MPP4: variants seen among roughly 807,000 people sequenced by gnomAD.
MPP4 encodes the protein MAGUK p55 scaffold protein 4, also known as MAGUK p55 subfamily member 4.
Under a neutral mutation model 98.3 loss-of-function variants are expected in MPP4, and 91 were observed. That is an observed-to-expected ratio of 0.93 (90% CI 0.78 to 1.10). The LOEUF is 1.10. Among genes scored for constraint, MPP4 ranks in the 50% least tolerant of loss-of-function variants. MPP4 has a pLI of 0.00. For missense variants in MPP4, 744 were observed against 792.9 expected (o/e 0.94, Z 0.74); for synonymous variants, 261 against 271.8 (o/e 0.96, Z 0.39).
intron 16 of MPP4, among the ~76,000 whole-genome samples, chr2:201,657,601 G>GTTTTTTTTT (rs1393900511): frequency 1.9e-5 from 2 of 104,992 alleles, no homozygotes; most frequent in Non-Finnish European, 1.9e-5. Context: ...TTTTTTTTTT[G>GTTTTTTTTT]TTTTTTTGTT....
chr2:201,667,889 C>G (rs1311678418), intron 12 of MPP4, among the ~76,000 whole-genome samples: 1 of 152,138 alleles, frequency 6.6e-6, no homozygotes, highest in Non-Finnish European at 1.5e-5. Context: ...GGTAGGGACA[C>G]AGATAAACGA....
chr2:201,649,763 C>T (rs1687665687), intron 19 of MPP4, 79 bp from the exon 20 acceptor site: 1 of 929,006 alleles, frequency 1.1e-6, no homozygotes, highest in Non-Finnish European at 1.7e-6. Flanking sequence ...ATAAACTGCA[C>T]TAGAGTTGAA....
At chr2:201,650,486 G>A (rs911203734) in intron 18 of MPP4, 74 of 985,278 alleles carry the variant, frequency 7.5e-5, no homozygotes, top group Admixed American at 1.2e-4. Context: ...TTAGATGCCT[G>A]AAAGCTCCCA....
chr2:201,674,368 A>G (rs778297677), intron 11 of MPP4, among the ~76,000 whole-genome samples: 89 of 152,194 alleles, frequency 5.8e-4, no homozygotes, highest in Non-Finnish European at 1.1e-3. Context: ...AGGAATGTCA[A>G]CGGTAGGACT....
At chr2:201,694,608 C>CATT in intron 1 of MPP4, among the ~76,000 whole-genome samples, 1 of 78,902 alleles carries the variant, frequency 1.3e-5, no homozygotes, top group East Asian at 4.7e-4. Context: ...TTCTTTTTCC[C>CATT]TTTTTTTTTT....
At chr2:201,672,906 A>G (rs1371748543) in intron 11 of MPP4, among the ~76,000 whole-genome samples, 2 of 152,116 alleles carry the variant, frequency 1.3e-5, no homozygotes, top group African/African-American at 4.8e-5. Context: ...CCTGGCAGAG[A>G]CACACACACA....
intron 14 of MPP4, chr2:201,661,969 C>A: frequency 3.2e-6 from 1 of 312,756 alleles, no homozygotes; most frequent in Non-Finnish European, 6.2e-6. Flanking sequence ...TATAAATAAT[C>A]AATTAAATTA....
intron 11 of MPP4, among the ~76,000 whole-genome samples, chr2:201,672,316 C>G (rs564670041): frequency 1.3e-5 from 2 of 152,036 alleles, no homozygotes; most frequent in Non-Finnish European, 2.9e-5. Flanking sequence ...AATCGAAACC[C>G]TAACATCACA....
intron 3 of MPP4, among the ~76,000 whole-genome samples, chr2:201,691,799 A>G (rs1472820594): frequency 2.0e-5 from 3 of 152,252 alleles, no homozygotes; most frequent in African/African-American, 7.2e-5. Flanking sequence ...GATTACAGGC[A>G]TGAACCATCA....
intron 10 of MPP4, among the ~76,000 whole-genome samples, chr2:201,678,517 C>T (rs975641267): frequency 2.6e-5 from 4 of 152,148 alleles, no homozygotes; most frequent in African/African-American, 4.8e-5. Context: ...TCCTCTCCCA[C>T]GCCCAGTGGG....
At chr2:201,656,491 T>C in intron 16 of MPP4, 123 bp from the exon 17 acceptor site, 1 of 974,882 alleles carries the variant, frequency 1.0e-6, no homozygotes, top group Non-Finnish European at 1.4e-6. Flanking sequence ...CAGGTCTGTC[T>C]GAAGTTAGAA....
chr2:201,661,490 C>T (rs1688024395), intron 14 of MPP4: 1 of 456,552 alleles, frequency 2.2e-6, no homozygotes, highest in Non-Finnish European at 4.4e-6. Context: ...CGTATCGATG[C>T]TTGAGAGTTC....
intron 1 of MPP4, among the ~76,000 whole-genome samples, chr2:201,697,303 T>A (rs759383): frequency 0.62 from 94,491 of 152,078 alleles, 30,423 homozygotes; most frequent in Non-Finnish European, 0.72. Flanking sequence ...ACAAAACTCA[T>A]AGAAAAAAAC....
At chr2:201,692,740 C>T (rs923653749) in intron 3 of MPP4, among the ~76,000 whole-genome samples, 168 bp downstream of exon 3, 3 of 152,130 alleles carry the variant, frequency 2.0e-5, no homozygotes, top group African/African-American at 4.8e-5. Context: ...ACTGAATCTG[C>T]TGCCGACTGG....
At chr2:201,668,170 A>T (rs1268691245) in intron 12 of MPP4, among the ~76,000 whole-genome samples, 1 of 152,174 alleles carries the variant, frequency 6.6e-6, no homozygotes, top group Admixed American at 6.5e-5. Flanking sequence ...AGAAGCTCTG[A>T]CTTTTCTGAC....
At chr2:201,654,392 T>C (rs1687798971) in intron 18 of MPP4, among the ~76,000 whole-genome samples, 1 of 152,252 alleles carries the variant, frequency 6.6e-6, no homozygotes, top group African/African-American at 2.4e-5. Flanking sequence ...ATGTTAACTA[T>C]TATTGCTAAC....
chr2:201,654,972 G>T, intron 17 of MPP4, 55 bp from the exon 18 acceptor site: 1 of 1,167,768 alleles, frequency 8.6e-7, no homozygotes, highest in Non-Finnish European at 1.2e-6. Context: ...ATATAATTAT[G>T]TGATGGAATT....
chr2:201,667,263 A>G (rs1036427813), intron 12 of MPP4, among the ~76,000 whole-genome samples: 1 of 152,194 alleles, frequency 6.6e-6, no homozygotes, highest in African/African-American at 2.4e-5. Context: ...TTACGCTACC[A>G]TTAGAGTGGA....
chr2:201,656,208 T>C lies in MPP4; in HGVS notation c.1290A>G (p.Ile430Met), dbSNP rs773226821. 2.5e-6 allele frequency: 4 copies of C among 1,604,222 alleles called. No individual in the cohort carries two copies. The highest frequency in any genetic ancestry group is 3.3e-4 in the Middle Eastern group (2 of 6,056). ...QRRPSDKYRL[I>M]VLMGPSGVGV... is the part of the protein sequence containing the mutation. ...CATGCTGGGACATACCCATGAGCAC[T>C]ATGAGGCGGTACTTGTCTGAAGGGC... Residue 430 changes from isoleucine to methionine, a missense_variant, in exon 17 of 22, where the codon ATA becomes ATG. By Grantham distance (10) the Ile-to-Met change is conservative. Transcript: ENST00000409474.
Sources: gnomAD v4.1 joint callset for allele counts (sites outside exome capture counted in the v4.1 genomes callset) on GRCh38, gnomAD v4.1.1 for gene constraint, MANE v1.5 for transcripts, NCBI Gene and HGNC (gene_info 2026-07-23, HGNC 2026-07-21) for gene names.